Variants in GBE1 observed in about 807,000 individuals in gnomAD.
The protein encoded by GBE1 is 1,4-alpha-glucan branching enzyme 1, also known as 1,4-alpha-glucan-branching enzyme.
GBE1 carries 70 observed loss-of-function variants against 88.8 expected under a neutral mutation model. That is an observed-to-expected ratio of 0.79 (90% CI 0.65 to 0.96). The LOEUF (loss-of-function observed/expected upper bound fraction) is 0.96. Among genes scored for constraint, GBE1 ranks in the 40% least tolerant of loss-of-function variants. GBE1 has a pLI of 0.00. For synonymous variants in GBE1, 284 were observed against 300.1 expected, an observed-to-expected ratio of 0.95 and a Z score of 0.56; for missense variants, 872 against 871.0, an observed-to-expected ratio of 1.00 and a Z score of -0.01.
At chr3:81,694,876 C>T (rs1000433512) in intron 2 of GBE1, among the ~76,000 whole-genome samples, 4 of 152,050 alleles carry the variant, frequency 2.6e-5, no homozygotes, top group South Asian at 2.1e-4. Context: ...GACTGAAGGA[C>T]GTCAAAAAGA....
chr3:81,693,538 G>C (rs1705551350), intron 2 of GBE1, among the ~76,000 whole-genome samples: 1 of 152,180 alleles, frequency 6.6e-6, no homozygotes. Context: ...CGCTAGAAGA[G>C]AAGGTTATTG....
At chr3:81,548,743 G>GA (rs1303992672) in intron 12 of GBE1, among the ~76,000 whole-genome samples, 1 of 150,752 alleles carries the variant, frequency 6.6e-6, no homozygotes, top group Admixed American at 6.6e-5. Flanking sequence ...TTGGAATAGA[G>GA]AAAAAACATT....
chr3:81,664,002 A>G (rs1705071818), intron 3 of GBE1, among the ~76,000 whole-genome samples: 1 of 152,090 alleles, frequency 6.6e-6, no homozygotes, highest in African/African-American at 2.4e-5. Flanking sequence ...AATCATAAAA[A>G]GGGGCTGTGC....
At chr3:81,745,222 A>C (rs1373868216) in intron 1 of GBE1, among the ~76,000 whole-genome samples, 1 of 152,220 alleles carries the variant, frequency 6.6e-6, no homozygotes, top group Non-Finnish European at 1.5e-5. Flanking sequence ...TTAACAATAA[A>C]ACCCTTTTTA....
chr3:81,491,595 A>G (rs538488551), intron 15 of GBE1, among the ~76,000 whole-genome samples: 1 of 152,330 alleles, frequency 6.6e-6, no homozygotes, highest in South Asian at 2.1e-4. Context: ...TCTAAGTATT[A>G]ACAAAGCAAA....
rs374685467 is a variant in GBE1 at position 81,546,200 on chromosome 3, G to GCA, written c.1619-9107_1619-9106dup. On this transcript the variant is annotated intron_variant, in intron 12 of 15. Coordinates refer to ENST00000429644, the MANE Select transcript of GBE1 (RefSeq NM_000158.4). Reference sequence around the variant, plus strand: ...TGGAAAAGTAGAAACCACTGTACATGCACACACACACACAAACTCACACAC... The same window carrying GCA: ...TGGAAAAGTAGAAACCACTGTACATGCACACACACACACACAAACTCACACAC... 1.5e-4 allele frequency among the ~76,000 whole-genome samples: 23 copies of GCA among 150,712 alleles called. No homozygotes were observed. In the East Asian group the frequency reaches 3.1e-3, roughly 20 times the overall value.
At chr3:81,598,337 T>C (rs1456046250) in intron 7 of GBE1, among the ~76,000 whole-genome samples, 3 of 151,944 alleles carry the variant, frequency 2.0e-5, no homozygotes, top group South Asian at 2.1e-4. Context: ...AAAAACCTCA[T>C]GTTTTGATCT....
In GBE1 at chr3:81,722,433, T is replaced by A. The variant is rs373680943; in HGVS notation, c.144-16820A>T. On this transcript the variant is annotated intron_variant, in intron 1 of 15. Transcript: ENST00000429644. ...TTAATGATTTTTCTTTGCTTTTATC[T>A]CTGTTTTTCTATTTTTTCCTACTAT... is the stretch of plus-strand genomic sequence containing the variant. Among the ~76,000 whole-genome samples, 7 of 152,176 alleles carry A rather than the reference T, an allele frequency of 4.6e-5. No homozygotes were observed. In the East Asian group the frequency reaches 1.4e-3, roughly 29 times the overall value.
chr3:81,573,466 GTATCACTGAACCTAGTGCATGCAT>G (rs1243742744), intron 12 of GBE1, among the ~76,000 whole-genome samples: 6 of 152,120 alleles, frequency 3.9e-5, no homozygotes, highest in African/African-American at 1.4e-4. Flanking sequence ...CTGCTTATCT[GTATCACTGAACCTAGTGCATGCAT>G]TACTATAAAG....
At chr3:81,501,949 T>G (rs1702592010) in intron 14 of GBE1, among the ~76,000 whole-genome samples, 1 of 151,338 alleles carries the variant, frequency 6.6e-6, no homozygotes, top group Non-Finnish European at 1.5e-5. Context: ...TCTGCCCACC[T>G]CGGCCTCTTA....
intron 2 of GBE1, among the ~76,000 whole-genome samples, chr3:81,695,304 A>G (rs763288428): frequency 5.3e-4 from 81 of 152,356 alleles, no homozygotes; most frequent in Non-Finnish European, 1.1e-3. Flanking sequence ...TATACAGTGT[A>G]ATTTTATTTG....
intron 14 of GBE1, among the ~76,000 whole-genome samples, chr3:81,533,607 T>C (rs1703036870): frequency 6.6e-6 from 1 of 152,030 alleles, no homozygotes; most frequent in Non-Finnish European, 1.5e-5. Context: ...CAGAGTAAAA[T>C]TCTGTCTGGG....
chr3:81,573,625 T>C (rs1004764374), intron 12 of GBE1, among the ~76,000 whole-genome samples: 1 of 152,214 alleles, frequency 6.6e-6, no homozygotes, highest in Non-Finnish European at 1.5e-5. Flanking sequence ...CATATAAATG[T>C]CTTAAGCATA....
intron 14 of GBE1, among the ~76,000 whole-genome samples, chr3:81,510,402 A>G (rs1702709149): frequency 6.6e-6 from 1 of 152,098 alleles, no homozygotes; most frequent in African/African-American, 2.4e-5. Context: ...TAGATAGAAA[A>G]TCACAGTACA....
intron 14 of GBE1, among the ~76,000 whole-genome samples, chr3:81,531,567 T>C (rs1409761005): frequency 6.6e-6 from 1 of 151,992 alleles, no homozygotes; most frequent in East Asian, 1.9e-4. Context: ...GACTGAGTTC[T>C]TCCCTTCAGG....
chr3:81,508,429 A>C (rs1367078799), intron 14 of GBE1, among the ~76,000 whole-genome samples: 1 of 152,132 alleles, frequency 6.6e-6, no homozygotes, highest in Non-Finnish European at 1.5e-5. Context: ...TTATCTGATG[A>C]AGCGATGGCA....
chr3:81,716,737 T>C (rs561032197), intron 1 of GBE1, among the ~76,000 whole-genome samples: 2 of 152,342 alleles, frequency 1.3e-5, no homozygotes, highest in Middle Eastern at 3.4e-3. Context: ...TTAGAATAAA[T>C]TTAACAAAAT....
At chr3:81,669,545 G>A (rs889766308) in intron 3 of GBE1, among the ~76,000 whole-genome samples, 4 of 151,734 alleles carry the variant, frequency 2.6e-5, no homozygotes, top group African/African-American at 7.3e-5. Flanking sequence ...TCTCAAAATG[G>A]CTTTAACACT....
In GBE1 at chr3:81,563,715, A is replaced by G. The variant is rs141255632; in HGVS notation, c.1618+14210T>C. Among the ~76,000 whole-genome samples, 13 of 152,232 alleles carry G rather than the reference A, an allele frequency of 8.5e-5. No homozygotes were observed. In the East Asian group the frequency reaches 2.5e-3, roughly 29 times the overall value. On this transcript the variant is annotated intron_variant, in intron 12 of 15. Transcript: ENST00000429644. ...AGTGCTTATAAAATGCTAGGTAATT[A>G]AGTAATAAATAAGGCTTGATAAAAG...
Sources: gnomAD v4.1 joint callset for allele counts (sites outside exome capture counted in the v4.1 genomes callset) on GRCh38, gnomAD v4.1.1 for gene constraint, MANE v1.5 for transcripts, NCBI Gene and HGNC (gene_info 2026-07-23, HGNC 2026-07-21) for gene names.